Variants in AGBL4 observed in about 807,000 individuals in gnomAD.
AGBL4 encodes cytosolic carboxypeptidase 6.
A neutral mutation model predicts 66.4 loss-of-function variants in AGBL4; 58 were observed. The ratio of observed to expected loss-of-function variants is 0.87; its 90% confidence interval spans 0.71 to 1.09. AGBL4 has a LOEUF of 1.09. Among genes scored for constraint, AGBL4 ranks in the 50% least tolerant of loss-of-function variants. The pLI, the probability that AGBL4 is intolerant of heterozygous loss-of-function variation, is 0.00. For synonymous variants in AGBL4, 234 were observed against 222.9 expected (o/e 1.05, Z -0.44); for missense variants, 579 against 631.0 (o/e 0.92, Z 0.88).
At chr1:49,644,445 T>C (rs1056403045) in intron 3 of AGBL4, among the ~76,000 whole-genome samples, 1 of 151,610 alleles carries the variant, frequency 6.6e-6, no homozygotes, top group Non-Finnish European at 1.5e-5. Context: ...AAGGTTAAAG[T>C]ATAAAGATGG....
chr1:49,835,629 T>TATTTTG (rs1645827962), intron 2 of AGBL4, among the ~76,000 whole-genome samples: 1 of 152,200 alleles, frequency 6.6e-6, no homozygotes, highest in South Asian at 2.1e-4. Context: ...GCTACCTGGT[T>TATTTTG]ATTTTGCCCA....
intron 6 of AGBL4, among the ~76,000 whole-genome samples, chr1:48,707,578 T>C (rs912654175): frequency 1.3e-5 from 2 of 152,186 alleles, no homozygotes; most frequent in African/African-American, 4.8e-5. Flanking sequence ...TCTTGAATTA[T>C]AAAACCACCA....
At chr1:48,713,885 C>T (rs1015271592) in intron 6 of AGBL4, among the ~76,000 whole-genome samples, 3 of 152,166 alleles carry the variant, frequency 2.0e-5, no homozygotes, top group Non-Finnish European at 4.4e-5. Flanking sequence ...ACTGGATCTG[C>T]AACATAAGAC....
intron 2 of AGBL4, among the ~76,000 whole-genome samples, chr1:49,705,890 A>G (rs143141107): frequency 6.6e-6 from 1 of 152,310 alleles, no homozygotes; most frequent in East Asian, 1.9e-4. Context: ...CCCAGGGATG[A>G]AGCCAACTTG....
intron 3 of AGBL4, among the ~76,000 whole-genome samples, chr1:49,261,230 T>C (rs1018502966): frequency 4.6e-5 from 7 of 151,252 alleles, no homozygotes; most frequent in Non-Finnish European, 8.9e-5. Context: ...CTGGAAGCAT[T>C]CCCTTTGAAA....
intron 3 of AGBL4, among the ~76,000 whole-genome samples, chr1:49,292,569 G>C (rs1003502090): frequency 6.6e-6 from 1 of 152,206 alleles, no homozygotes; most frequent in Non-Finnish European, 1.5e-5. Flanking sequence ...ACTAGCTGCA[G>C]AGAGGAGTTA....
chr1:48,783,932 A>G (rs4926757), intron 6 of AGBL4, among the ~76,000 whole-genome samples: 96,593 of 151,732 alleles, frequency 0.64, 31,517 homozygotes, highest in Non-Finnish European at 0.72. Context: ...CTAAATGTCT[A>G]TCTAACCTTG....
chr1:49,126,636 A>T (rs371637337), intron 4 of AGBL4, among the ~76,000 whole-genome samples: 1 of 152,200 alleles, frequency 6.6e-6, no homozygotes, highest in Non-Finnish European at 1.5e-5. Flanking sequence ...GATATAATCA[A>T]ATAATACTCT....
At chr1:49,555,582 C>T (rs543412687) in intron 3 of AGBL4, among the ~76,000 whole-genome samples, 1 of 149,674 alleles carries the variant, frequency 6.7e-6, no homozygotes, top group South Asian at 2.1e-4. Context: ...AATCAGTGCT[C>T]TGTGTCTAGC....
intron 2 of AGBL4, among the ~76,000 whole-genome samples, chr1:49,736,744 G>A (rs1463918062): frequency 6.6e-6 from 1 of 151,978 alleles, no homozygotes; most frequent in African/African-American, 2.4e-5. Context: ...TATAGAATGG[G>A]AGAAGATACT....
chr1:49,464,597 T>C (rs2148703735), intron 3 of AGBL4, among the ~76,000 whole-genome samples: 1 of 151,916 alleles, frequency 6.6e-6, no homozygotes, highest in Non-Finnish European at 1.5e-5. Flanking sequence ...TGTGTTCTTT[T>C]GTTTTTAGAT....
intron 8 of AGBL4, among the ~76,000 whole-genome samples, chr1:48,650,461 C>G (rs923628755): frequency 2.0e-5 from 3 of 149,108 alleles, no homozygotes; most frequent in Non-Finnish European, 4.4e-5. Context: ...TTCCTTCCTT[C>G]CTTCCTTCCT....
At chr1:49,410,671 G>T (rs1047093721) in intron 3 of AGBL4, among the ~76,000 whole-genome samples, 4 of 152,124 alleles carry the variant, frequency 2.6e-5, no homozygotes, top group Non-Finnish European at 5.9e-5. Context: ...CTCTTGATTT[G>T]CTGTCTTTCT....
intron 3 of AGBL4, among the ~76,000 whole-genome samples, chr1:49,498,466 A>G (rs373506761): frequency 4.8e-4 from 73 of 151,804 alleles, no homozygotes; most frequent in Admixed American, 1.2e-3. Flanking sequence ...CACTTAGCAT[A>G]ATGTCCTCCA....
In AGBL4 at chr1:49,286,038, C is replaced by T. The variant is rs369471545; in HGVS notation, c.283-40174G>A. On this transcript the variant is annotated intron_variant, in intron 3 of 13. Coordinates refer to ENST00000371839, the MANE Select transcript of AGBL4 (RefSeq NM_032785.4). ...CATGATCAAGTGGGCTTCATCCCTG[C>T]GATGCAAGGCTGGTTCAATATACAC... is the stretch of plus-strand genomic sequence containing the variant. 7.9e-5 allele frequency among the ~76,000 whole-genome samples: 12 copies of T among 152,248 alleles called. No homozygotes were observed. In the South Asian group the frequency reaches 8.3e-4, roughly 11 times the overall value.
chr1:48,837,255 T>C (rs535863379), intron 6 of AGBL4, among the ~76,000 whole-genome samples: 1 of 152,154 alleles, frequency 6.6e-6, no homozygotes, highest in South Asian at 2.1e-4. Context: ...CGGGTTTGAC[T>C]TGTCTGAGTA....
At chr1:48,875,134 G>A (rs1445908372) in intron 5 of AGBL4, among the ~76,000 whole-genome samples, 1 of 152,190 alleles carries the variant, frequency 6.6e-6, no homozygotes, top group East Asian at 1.9e-4. Flanking sequence ...ACAGATAGAA[G>A]ACAGATATGT....
intron 11 of AGBL4, among the ~76,000 whole-genome samples, chr1:48,572,990 A>G (rs1644593119): frequency 6.6e-6 from 1 of 152,202 alleles, no homozygotes; most frequent in Non-Finnish European, 1.5e-5. Context: ...TGATGGAGCT[A>G]GGTTCTGATG....
chr1:48,628,600 C>G (rs1448138078), intron 9 of AGBL4, among the ~76,000 whole-genome samples: 6 of 152,086 alleles, frequency 3.9e-5, no homozygotes, highest in Non-Finnish European at 8.8e-5. Context: ...TCAGCCTGCA[C>G]CTCACATGCC....
Sources: gnomAD v4.1 joint callset for allele counts (sites outside exome capture counted in the v4.1 genomes callset) on GRCh38, gnomAD v4.1.1 for gene constraint, MANE v1.5 for transcripts, NCBI Gene and HGNC (gene_info 2026-07-23, HGNC 2026-07-21) for gene names.